RNF128: variants seen among roughly 807,000 people sequenced by gnomAD.
RNF128 encodes the protein E3 ubiquitin-protein ligase RNF128.
In RNF128, 13 loss-of-function variants were observed where a neutral mutation model predicts 26.2. The observed-to-expected ratio is 0.50, with a 90% CI of 0.32 to 0.79. RNF128 has a LOEUF of 0.79. Ranked by LOEUF, RNF128 falls within the 30% of genes least tolerant of loss-of-function variation. RNF128 has a pLI of 0.03. For synonymous variants in RNF128, 149 were observed against 142.5 expected, an observed-to-expected ratio of 1.05 and a Z score of -0.32; for missense variants, 315 against 349.7, an observed-to-expected ratio of 0.90 and a Z score of 0.79.
At chrX:106,790,162 A>C (rs768802300) in intron 4 of RNF128, 24 bp from the exon 5 acceptor site, 28 of 1,031,867 alleles carry the variant, frequency 2.7e-5, no homozygotes, top group Non-Finnish European at 3.8e-5. Flanking sequence ...TACAACTGAT[A>C]ATTATGTTTT....
intron 1 of RNF128, among the ~76,000 whole-genome samples, chrX:106,770,757 AT>A (rs943018667): frequency 2.0e-4 from 22 of 111,937 alleles, no homozygotes; most frequent in African/African-American, 7.1e-4. Flanking sequence ...CTCTCAACCC[AT>A]CAAAGTCATT....
chrX:106,748,406 G>T (rs990618161), intron 1 of RNF128, among the ~76,000 whole-genome samples: 1 of 112,076 alleles, frequency 8.9e-6, no homozygotes, highest in African/African-American at 3.2e-5. Flanking sequence ...TATGGTTTCT[G>T]TTCATTGGAC....
chrX:106,793,470 A>T (rs1490798012), intron 6 of RNF128, among the ~76,000 whole-genome samples: 1 of 111,709 alleles, frequency 9.0e-6, no homozygotes, highest in Non-Finnish European at 1.9e-5. Context: ...AAATGTTAAC[A>T]TATAACCATA....
intron 4 of RNF128, among the ~76,000 whole-genome samples, chrX:106,788,618 T>C (rs1375390450): frequency 1.7e-5 from 1 of 59,462 alleles, no homozygotes; most frequent in East Asian, 5.9e-4. Flanking sequence ...ATACTCTATA[T>C]TATATATACT....
Position 106,698,036 on chromosome X carries a change from G to A in RNF128, c.406+3628G>A, listed in dbSNP as rs772062057. Among the ~76,000 whole-genome samples the A allele has an allele frequency of 4.7e-5, 5 of 107,350 alleles. 1 individual carries two copies. The East Asian group carries it at 1.5e-3, about 32-fold the overall frequency. The allele number at this position is 107,350 out of a possible 115,157, so 93.2% of individuals were successfully genotyped here. On this transcript the variant is annotated intron_variant, in intron 1 of 6. Coordinates refer to the RNF128 transcript ENST00000324342. ...GGAAATAAAAGGATATGTTTACCAT[G>A]TTCTTAAGTAAGTATGTAACTTCCT...
chrX:106,753,198 G>C (rs1929933273), intron 1 of RNF128, among the ~76,000 whole-genome samples: 1 of 111,547 alleles, frequency 9.0e-6, no homozygotes, highest in Admixed American at 9.6e-5. Context: ...CTCATACCTT[G>C]AGTAGGAAGA....
chrX:106,725,526 G>T (rs1180704312), upstream of RNF128, among the ~76,000 whole-genome samples: 2 of 111,919 alleles, frequency 1.8e-5, no homozygotes, highest in East Asian at 2.8e-4. Context: ...TGAAAAAGTG[G>T]CTAAGACTGA....
chrX:106,714,986 G>C (rs942865646), intron 1 of RNF128, among the ~76,000 whole-genome samples: 5 of 111,684 alleles, frequency 4.5e-5, no homozygotes, highest in South Asian at 3.7e-4. Context: ...CCAAGATTTG[G>C]CAATTATGAG....
chrX:106,758,703 T>C (rs1263339354), intron 1 of RNF128, among the ~76,000 whole-genome samples: 3 of 111,827 alleles, frequency 2.7e-5, no homozygotes, highest in African/African-American at 9.7e-5. Flanking sequence ...CTCCGATTAA[T>C]GCTGCTGGCA....
chrX:106,764,378 A>C (rs903412312), intron 1 of RNF128, among the ~76,000 whole-genome samples: 4 of 110,880 alleles, frequency 3.6e-5, no homozygotes, highest in African/African-American at 1.3e-4. Context: ...ATTAGTTAAA[A>C]ACTTATGGCC....
intron 1 of RNF128, among the ~76,000 whole-genome samples, chrX:106,737,997 C>A (rs1050188611): frequency 1.8e-5 from 2 of 111,950 alleles, no homozygotes; most frequent in Non-Finnish European, 3.8e-5. Flanking sequence ...AAAGAATTGA[C>A]TTACTTTGAG....
At chrX:106,735,560 C>T (rs936244534) in intron 1 of RNF128, among the ~76,000 whole-genome samples, 5 of 111,219 alleles carry the variant, frequency 4.5e-5, no homozygotes, top group Non-Finnish European at 9.4e-5. Flanking sequence ...GAATGTTTTA[C>T]TTTTATAATC....
intron 1 of RNF128, among the ~76,000 whole-genome samples, chrX:106,752,805 C>T (rs895753469): frequency 2.7e-5 from 3 of 111,375 alleles, no homozygotes; most frequent in Non-Finnish European, 5.7e-5. Flanking sequence ...CAGTGAAATT[C>T]CAGATAACAC....
chrX:106,772,750 A>G (rs7063642), intron 1 of RNF128, among the ~76,000 whole-genome samples, 163 bp from the exon 2 acceptor site: 15,246 of 110,874 alleles, frequency 0.14, 2,603 homozygotes, highest in African/African-American at 0.48. Flanking sequence ...TGTTTATATA[A>G]CCTACAACTT....
intron 2 of RNF128, among the ~76,000 whole-genome samples, chrX:106,776,425 A>C (rs777609563): frequency 8.9e-6 from 1 of 112,169 alleles, no homozygotes; most frequent in African/African-American, 3.2e-5. Context: ...TACTAACTAA[A>C]ATAGACAGAT....
intron 1 of RNF128, among the ~76,000 whole-genome samples, chrX:106,738,348 T>A (rs993824199): frequency 3.6e-5 from 4 of 111,897 alleles, no homozygotes; most frequent in Non-Finnish European, 5.6e-5. Flanking sequence ...CTTGAACCTT[T>A]GCTAATAATT....
intron 1 of RNF128, among the ~76,000 whole-genome samples, chrX:106,749,660 C>G (rs761679294): frequency 7.1e-5 from 8 of 111,914 alleles, no homozygotes; most frequent in Non-Finnish European, 1.3e-4. Context: ...AATCCCAGCT[C>G]TTTAGGAGGC....
intron 1 of RNF128, among the ~76,000 whole-genome samples, chrX:106,716,471 A>G (rs1482514108): frequency 8.9e-6 from 1 of 112,062 alleles, no homozygotes; most frequent in Non-Finnish European, 1.9e-5. Flanking sequence ...AGCATGAGGG[A>G]GTTTTTGTGG....
At chrX:106,791,810 G>A (rs1022391462) in intron 6 of RNF128, among the ~76,000 whole-genome samples, 1 of 111,059 alleles carries the variant, frequency 9.0e-6, no homozygotes, top group Non-Finnish European at 1.9e-5. Context: ...GTAATTTTAT[G>A]CCAAATGAGA....
Sources: gnomAD v4.1 joint callset for allele counts (sites outside exome capture counted in the v4.1 genomes callset) on GRCh38, gnomAD v4.1.1 for gene constraint, MANE v1.5 for transcripts, NCBI Gene and HGNC (gene_info 2026-07-23, HGNC 2026-07-21) for gene names.